Variants in ZHX3 observed in about 807,000 individuals in gnomAD.
The protein encoded by ZHX3 is zinc fingers and homeoboxes protein 3.
ZHX3 carries 20 observed loss-of-function variants against 64.5 expected under a neutral mutation model. The ratio of observed to expected loss-of-function variants is 0.31; its 90% CI spans 0.22 to 0.45. The LOEUF (loss-of-function observed/expected upper bound fraction) is 0.45, where lower values mean the gene tolerates loss of function less well. ZHX3 is among the 20% of genes least tolerant of loss of function. The pLI is 1.00. For missense variants in ZHX3, 1,041 were observed against 1,195.8 expected, an observed-to-expected ratio of 0.87 and a Z score of 1.91; for synonymous variants, 423 against 461.6, an observed-to-expected ratio of 0.92 and a Z score of 1.07.
intron 2 of ZHX3, among the ~76,000 whole-genome samples, chr20:41,235,636 C>A (rs2040927932): frequency 6.6e-6 from 1 of 152,120 alleles, no homozygotes; most frequent in African/African-American, 2.4e-5. Flanking sequence ...ATAGTAAGAG[C>A]TATCTATGAC....
At chr20:41,272,598 G>A (rs1340966582) in intron 1 of ZHX3, among the ~76,000 whole-genome samples, 1 of 152,118 alleles carries the variant, frequency 6.6e-6, no homozygotes, top group Admixed American at 6.6e-5. Context: ...ATTACCTCTT[G>A]TGGATATTCC....
intron 2 of ZHX3, among the ~76,000 whole-genome samples, chr20:41,225,773 C>A (rs1230119878): frequency 6.6e-6 from 1 of 152,158 alleles, no homozygotes; most frequent in Admixed American, 6.5e-5. Context: ...CAGGCGTGAA[C>A]CACCGCACCC....
rs560398269 is a variant in ZHX3 at position 41,219,798 on chromosome 20, G to A, written c.-150-14732C>T. Among the ~76,000 whole-genome samples the A allele has an allele frequency of 1.6e-4, 25 of 152,340 alleles. 2 individuals carry two copies. In the South Asian group the frequency reaches 5.0e-3, roughly 30 times the overall value. ...AAGTTAGGTGAAACCAATGAAACGT[G>A]AACAAATGTGTCACCTCCAGGGGAA... On this transcript the variant is annotated intron_variant, in intron 2 of 3. Transcript: ENST00000683867. This position sits in a 1 kb window ranked among gnomAD's most constrained non-coding sequence, Gnocchi z 5.0.
intron 2 of ZHX3, among the ~76,000 whole-genome samples, chr20:41,222,701 C>T (rs2040023968): frequency 6.6e-6 from 1 of 152,044 alleles, no homozygotes; most frequent in African/African-American, 2.4e-5. Flanking sequence ...GTACTTGCAT[C>T]CTAAATGTTG....
chr20:41,211,452 C>T (rs1196135487), intron 2 of ZHX3, among the ~76,000 whole-genome samples: 2 of 152,092 alleles, frequency 1.3e-5, no homozygotes, highest in African/African-American at 4.8e-5. Context: ...CCCCTTCCCC[C>T]ACCAATTTGA....
In ZHX3 at chr20:41,204,578, C is replaced by A. The variant is rs915276286; in HGVS notation, c.339G>T (p.Gly113=). The change falls in exon 3 of 4, where the codon GGG becomes GGT. Residue 113 remains glycine, a synonymous_variant. Coordinates refer to ENST00000683867, the MANE Select transcript of ZHX3 (RefSeq NM_001384317.1). The surrounding 1 kb of genome is among the most constrained non-coding windows in gnomAD (Gnocchi z 6.6). ...CAGGGGTTTTTGCCAGAAAACTGCA[C>A]CCACTGCATACAAAGGTTGGGTCTT... ...FNKDPTFVCS[G]CSFLAKTPEG... is the part of the protein sequence containing the mutation. The A allele has an allele frequency of 1.2e-6, 2 of 1,614,212 alleles. No homozygotes were observed. Among genetic ancestry groups the A allele is most frequent in the African/African-American group, 1.3e-5 (1 of 75,050 alleles).
chr20:41,262,431 A>C (rs1172719941), intron 2 of ZHX3, among the ~76,000 whole-genome samples: 1 of 152,164 alleles, frequency 6.6e-6, no homozygotes, highest in Non-Finnish European at 1.5e-5. Context: ...GTACCTGTGC[A>C]CCTTCAGACT....
intron 2 of ZHX3, among the ~76,000 whole-genome samples, chr20:41,236,097 G>C (rs1415245234): frequency 1.3e-5 from 2 of 152,040 alleles, no homozygotes; most frequent in South Asian, 4.2e-4. Flanking sequence ...GAGAACTACA[G>C]ACCACTGCTC....
In ZHX3 at chr20:41,226,662, T is replaced by C. The variant is rs1317666655; in HGVS notation, c.-150-21596A>G. Among the ~76,000 whole-genome samples the C allele has an allele frequency of 6.6e-6, 1 of 152,222 alleles. No individual in the cohort carries two copies. Among genetic ancestry groups the C allele is most frequent in the African/African-American group, 2.4e-5 (1 of 41,462 alleles). On this transcript the variant is annotated intron_variant, in intron 2 of 3. Transcript: ENST00000683867. The surrounding 1 kb of genome is among the most constrained non-coding windows in gnomAD (Gnocchi z 4.4). ...TTTTTGATCCTGTCATCAAATTATC[T>C]TCCTCTCAAGCTCACTCCCTAGTCC... is the stretch of plus-strand genomic sequence containing the variant.
At chr20:41,249,474 G>T (rs929914383) in intron 2 of ZHX3, among the ~76,000 whole-genome samples, 1 of 152,068 alleles carries the variant, frequency 6.6e-6, no homozygotes, top group Non-Finnish European at 1.5e-5. Flanking sequence ...AAGCAGACAC[G>T]AAGAACTGAC....
In ZHX3 at chr20:41,200,120, A is replaced by C. The variant is rs917128753; in HGVS notation, c.2860+1937T>G. 7.3e-5 allele frequency among the ~76,000 whole-genome samples: 11 copies of C among 150,536 alleles called. No homozygotes were observed. The highest frequency in any genetic ancestry group is 3.2e-3 in the Middle Eastern group (1 of 314). On this transcript the variant is annotated intron_variant, in intron 3 of 3. Transcript: ENST00000683867. This position sits in a 1 kb window ranked among gnomAD's most constrained non-coding sequence, Gnocchi z 4.2. Reference sequence around the variant, plus strand: ...CTTGCGGATGCTGAAACAAAAAAAAACCATCAAAATTTGTAAGCCTCTCCA... The same window carrying C: ...CTTGCGGATGCTGAAACAAAAAAAACCCATCAAAATTTGTAAGCCTCTCCA...
chr20:41,278,861 C>A (rs1041873230), intron 1 of ZHX3, among the ~76,000 whole-genome samples: 1 of 147,474 alleles, frequency 6.8e-6, no homozygotes, highest in Non-Finnish European at 1.5e-5. Flanking sequence ...CAAGCTCTGC[C>A]TCCCGGGTTC....
intron 1 of ZHX3, among the ~76,000 whole-genome samples, chr20:41,271,441 G>A (rs2043145270): frequency 6.6e-6 from 1 of 152,194 alleles, no homozygotes; most frequent in South Asian, 2.1e-4. Flanking sequence ...CAGTTGATTG[G>A]TTGATTCAGA....
At chr20:41,307,182 G>A (rs762330334) in intron 1 of ZHX3, among the ~76,000 whole-genome samples, 1 of 152,182 alleles carries the variant, frequency 6.6e-6, no homozygotes, top group African/African-American at 2.4e-5. Context: ...AAAACCATCT[G>A]TGCTTAGCCA....
At chr20:41,277,577 C>G (rs538321675) in intron 1 of ZHX3, among the ~76,000 whole-genome samples, 3 of 150,024 alleles carry the variant, frequency 2.0e-5, no homozygotes, top group Non-Finnish European at 4.4e-5. Flanking sequence ...TCTTGCCCTA[C>G]CCTCCATGTT....
intron 1 of ZHX3, among the ~76,000 whole-genome samples, chr20:41,298,966 C>CCA (rs2044674357): frequency 6.6e-6 from 1 of 152,004 alleles, no homozygotes; most frequent in East Asian, 1.9e-4. Flanking sequence ...AGAGGTGTCC[C>CCA]CTACGTAAGA....
At chr20:41,273,931 G>A (rs1163268877) in intron 1 of ZHX3, among the ~76,000 whole-genome samples, 2 of 152,142 alleles carry the variant, frequency 1.3e-5, no homozygotes, top group African/African-American at 4.8e-5. Flanking sequence ...ATCACTTTGA[G>A]TAGTATTGCC....
rs374779305 is a variant in ZHX3, at chr20:41,228,408, C to T, written c.-150-23342G>A. On this transcript the variant is annotated intron_variant, in intron 2 of 3. Transcript: ENST00000683867. The surrounding 1 kb of genome is among the most constrained non-coding windows in gnomAD (Gnocchi z 4.6). ...TCACCTCTCACCATTTGTCTTAGTC[C>T]GTTCGGGGTGCTATAACAAAAACAT... Among the ~76,000 whole-genome samples the T allele has an allele frequency of 3.6e-4, 55 of 152,262 alleles. 1 individual carries two copies. In the East Asian group the frequency reaches 4.8e-3, roughly 13 times the overall value.
intron 2 of ZHX3, among the ~76,000 whole-genome samples, chr20:41,206,082 G>A (rs1213874681): frequency 6.6e-6 from 1 of 152,172 alleles, no homozygotes; most frequent in Non-Finnish European, 1.5e-5. Flanking sequence ...GCATCTGAGG[G>A]TCCTGACTGT....
Sources: gnomAD v4.1 joint callset for allele counts (sites outside exome capture counted in the v4.1 genomes callset) on GRCh38, gnomAD v4.1.1 for gene constraint, Gnocchi (gnomAD v3.1) non-coding constraint, MANE v1.5 for transcripts, NCBI Gene and HGNC (gene_info 2026-07-23, HGNC 2026-07-21) for gene names.